The following ZNF679 variants were observed in gnomAD, a reference collection of about 807,000 sequenced individuals.
The protein encoded by ZNF679 is zinc finger protein 679, also known as hypothetical protein MGC42415.
A neutral mutation model predicts 13.4 loss-of-function variants in ZNF679; 10 were observed. The observed-to-expected ratio is 0.75, with a 90% CI of 0.46 to 1.27. ZNF679 has a LOEUF of 1.27. Among genes scored for constraint, ZNF679 ranks in the 50% most tolerant of loss-of-function variants. ZNF679 has a pLI of 0.00. For synonymous variants in ZNF679, 179 were observed against 162.5 expected, an observed-to-expected ratio of 1.10 and a Z score of -0.77; for missense variants, 525 against 477.8, an observed-to-expected ratio of 1.10 and a Z score of -0.92.
chr7:64,261,213 T>C (rs1423941166), intron 4 of ZNF679, among the ~76,000 whole-genome samples: 1 of 152,156 alleles, frequency 6.6e-6, no homozygotes, highest in Admixed American at 6.6e-5. Flanking sequence ...TTTACCATTG[T>C]TTTGGGGGCA....
At chr7:64,244,436 C>T (rs369824825) in intron 1 of ZNF679, among the ~76,000 whole-genome samples, 2 of 151,742 alleles carry the variant, frequency 1.3e-5, no homozygotes, top group Non-Finnish European at 2.9e-5. Flanking sequence ...TGTTTTGTGA[C>T]GGATTCTCTC....
At chr7:64,258,698 C>CA (rs548892451) in intron 2 of ZNF679, among the ~76,000 whole-genome samples, 10,933 of 98,742 alleles carry the variant, frequency 0.11, 668 homozygotes, top group East Asian at 0.38. Context: ...AAGATGGTCT[C>CA]AAAAAAAAAA....
intron 1 of ZNF679, among the ~76,000 whole-genome samples, chr7:64,243,613 T>C (rs1405207091): frequency 4.6e-5 from 7 of 152,130 alleles, no homozygotes; most frequent in Admixed American, 4.6e-4. Context: ...GAGAGTCATA[T>C]CGCCTAGGTG....
intron 4 of ZNF679, among the ~76,000 whole-genome samples, chr7:64,261,131 G>A (rs1005107647): frequency 3.7e-4 from 56 of 151,980 alleles, no homozygotes; most frequent in Admixed American, 3.7e-3. Context: ...TTCTACTTTC[G>A]CTTCAGTAAT....
Position 64,247,958 on chromosome 7 carries a change from G to A in ZNF679, c.-90-1070G>A, listed in dbSNP as rs1787890385. ...GGATTGCCTCCTTTTTGAAATCTCA[G>A]GCTGCCTGCATGTATTAGTCCATTT... is the stretch of plus-strand genomic sequence containing the variant. On this transcript the variant is annotated intron_variant, in intron 1 of 4. Coordinates refer to ENST00000421025, the MANE Select transcript of ZNF679 (RefSeq NM_153363.3). Among the ~76,000 whole-genome samples the A allele has an allele frequency of 2.0e-5, 3 of 151,780 alleles. No homozygotes were observed. In the South Asian group the frequency reaches 6.2e-4, roughly 32 times the overall value.
intron 2 of ZNF679, among the ~76,000 whole-genome samples, chr7:64,252,718 A>C (rs1011272475): frequency 1.3e-5 from 2 of 152,038 alleles, no homozygotes; most frequent in African/African-American, 4.8e-5. Flanking sequence ...CTGTTATCTT[A>C]TTTTTATTTT....
chr7:64,262,874 C>T (rs1788095851), intron 4 of ZNF679, among the ~76,000 whole-genome samples: 1 of 152,026 alleles, frequency 6.6e-6, no homozygotes. Context: ...ATTTGTTCAC[C>T]ACTGTGGGTT....
intron 2 of ZNF679, among the ~76,000 whole-genome samples, chr7:64,253,578 T>C (rs1162133320): frequency 6.6e-6 from 1 of 152,188 alleles, no homozygotes; most frequent in East Asian, 1.9e-4. Flanking sequence ...TTTCTAGACT[T>C]TGTAAAATAA....
intron 1 of ZNF679, among the ~76,000 whole-genome samples, chr7:64,237,763 C>T (rs896238112): frequency 2.0e-5 from 3 of 152,124 alleles, no homozygotes; most frequent in Non-Finnish European, 2.9e-5. Flanking sequence ...AAGCAGCTAT[C>T]TATAAATTAT....
intron 1 of ZNF679, among the ~76,000 whole-genome samples, chr7:64,236,629 A>G (rs1403493960): frequency 6.6e-6 from 1 of 151,980 alleles, no homozygotes; most frequent in Non-Finnish European, 1.5e-5. Flanking sequence ...TTAAAAATAC[A>G]AAAATTAGCC....
Position 64,260,947 on chromosome 7 carries a change from A to G in ZNF679, c.262+18A>G, listed in dbSNP as rs747884605. 8.1e-6 allele frequency: 13 copies of G among 1,606,486 alleles called. No individual in the cohort carries two copies. Among genetic ancestry groups the G allele is most frequent in the South Asian group, 1.1e-5 (1 of 89,866 alleles). On this transcript the variant is annotated intron_variant, in intron 4 of 4. Coordinates refer to ENST00000421025, the MANE Select transcript of ZNF679 (RefSeq NM_153363.3). ...ACACCCAGGTAAGTGAGAGTGGATG[A>G]AGCGGATGACACAGATGAGAGGTGC...
intron 4 of ZNF679, among the ~76,000 whole-genome samples, chr7:64,262,229 A>G (rs924539588): frequency 5.9e-5 from 9 of 152,184 alleles, no homozygotes; most frequent in African/African-American, 2.2e-4. Context: ...AATTCTCAAT[A>G]TTAAGTTTTA....
In ZNF679 at chr7:64,260,264, A is replaced by G; in HGVS notation, c.83A>G (p.Glu28Gly). Residue 28 changes from glutamate to glycine, a missense_variant, in exon 3 of 5, where the codon GAG becomes GGG. Glu to Gly is a moderately conservative substitution (Grantham distance 98, BLOSUM62 -2). Transcript: ENST00000421025. ...FRDVVIEFSL[E>G]EWQCLDHAQQ... ...GATGTAGTCATAGAATTCTCTCTGG[A>G]GGAGTGGCAATGCCTGGATCACGCT... The G allele has an allele frequency of 6.2e-7, 1 of 1,611,766 alleles. No individual in the cohort carries two copies. The highest frequency in any genetic ancestry group is 8.5e-7 in the Non-Finnish European group (1 of 1,179,414).
chr7:64,235,313 A>G (rs1787693706), intron 1 of ZNF679, among the ~76,000 whole-genome samples: 1 of 141,544 alleles, frequency 7.1e-6, no homozygotes, highest in African/African-American at 2.6e-5. Context: ...AATAGAAACA[A>G]CATACAATAA....
Position 64,236,929 on chromosome 7 carries a change from GA to G in ZNF679, c.-91+8280del, listed in dbSNP as rs760410740. On this transcript the variant is annotated intron_variant, in intron 1 of 4. Transcript: ENST00000421025. Reference sequence around the variant, plus strand: ...AAAAAAGAAAGAAAGAAAGAAGAAAGAAAGAAAGAAAGAAAGAAAGAAAGAA... The same window carrying G: ...AAAAAAGAAAGAAAGAAAGAAGAAAGAAGAAAGAAAGAAAGAAAGAAAGAA... Among the ~76,000 whole-genome samples, 117 of 29,912 alleles carry G rather than the reference GA, an allele frequency of 3.9e-3. 1 individual carries two copies. Among genetic ancestry groups the G allele is most frequent in the Non-Finnish European group, 4.1e-3 (69 of 16,656 alleles). 19.6% of individuals were successfully genotyped at this position (29,912 alleles called of 152,430 possible).
chr7:64,266,109 A>G lies in ZNF679; in HGVS notation c.476A>G (p.His159Arg), dbSNP rs760225280. 6.8e-6 allele frequency: 11 copies of G among 1,612,222 alleles called. No homozygotes were observed. The highest frequency in any genetic ancestry group is 8.5e-6 in the Non-Finnish European group (10 of 1,178,914). ...ACCCAAAACAAAATATTTCAGACTC[A>G]TAAATGTGTCAAAGTCTTCGGCAAA... Reference protein sequence around the residue: ...STTQNKIFQTHKCVKVFGKFS... With the variant: ...STTQNKIFQTRKCVKVFGKFS... Residue 159 changes from histidine (H) to arginine (R), a missense_variant, in exon 5 of 5, where the codon CAT (histidine) becomes CGT (arginine). Coordinates refer to ENST00000421025, the MANE Select transcript of ZNF679 (RefSeq NM_153363.3).
intron 3 of ZNF679, 104 bp downstream of exon 3, chr7:64,260,451 G>A (rs1385211953): frequency 2.0e-6 from 3 of 1,492,952 alleles, no homozygotes; most frequent in African/African-American, 2.8e-5. Flanking sequence ...TTAGCTCTCT[G>A]ATTTGAAGAA....
rs766544220 is a variant in ZNF679 at position 64,266,128 on chromosome 7, C to G, written c.495C>G (p.Phe165Leu). ...AGACTCATAAATGTGTCAAAGTCTT[C>G]GGCAAATTTTCAAATTCCAATAGAC... ...IFQTHKCVKV[F>L]GKFSNSNRHK... Residue 165 changes from phenylalanine (F) to leucine (L), a missense_variant, in exon 5 of 5, where the codon TTC becomes TTG. Physicochemically the swap from Phe to Leu is conservative, Grantham distance 22 (BLOSUM62 0). Transcript: ENST00000421025. 17 of 1,608,542 alleles carry G rather than the reference C, an allele frequency of 1.1e-5. 1 individual carries two copies. The African/African-American group carries it at 2.1e-4, about 20-fold the overall frequency.
At chr7:64,248,844 T>A (rs1434746632) in intron 1 of ZNF679, among the ~76,000 whole-genome samples, 184 bp from the exon 2 acceptor site, 1 of 152,138 alleles carries the variant, frequency 6.6e-6, no homozygotes, top group Non-Finnish European at 1.5e-5. Flanking sequence ...GCCTAGCCTG[T>A]TATTTTTGCT....
Sources: gnomAD v4.1 joint callset for allele counts (sites outside exome capture counted in the v4.1 genomes callset) on GRCh38, gnomAD v4.1.1 for gene constraint, MANE v1.5 for transcripts, NCBI Gene and HGNC (gene_info 2026-07-23, HGNC 2026-07-21) for gene names.